The following C4orf51 variants were observed in gnomAD, a reference collection of about 807,000 sequenced individuals.
C4orf51 encodes chromosome 4 open reading frame 51.
C4orf51 carries 25 observed loss-of-function variants against 25.2 expected under a neutral mutation model. The observed-to-expected ratio is 0.99, with a 90% CI of 0.72 to 1.39. The LOEUF is 1.39. C4orf51 is among the 40% of genes most tolerant of loss of function. The pLI, the probability that C4orf51 is intolerant of heterozygous loss-of-function variation, is 0.00. For missense variants in C4orf51, 252 were observed against 239.6 expected, an observed-to-expected ratio of 1.05 and a Z score of -0.34; for synonymous variants, 100 against 84.5, an observed-to-expected ratio of 1.18 and a Z score of -1.01.
intron 1 of C4orf51, among the ~76,000 whole-genome samples, chr4:145,740,766 G>A (rs1315466783): frequency 6.6e-6 from 1 of 152,160 alleles, no homozygotes; most frequent in Non-Finnish European, 1.5e-5. Context: ...GGTCTGCAAG[G>A]CTTTGCCAGA....
downstream of C4orf51, chr4:145,774,367 T>A (rs113537744): frequency 2.1e-3 from 1,932 of 926,762 alleles, 27 homozygotes; most frequent in African/African-American, 0.028. Flanking sequence ...GTGGCTTTCA[T>A]GCCTTGGGAA....
chr4:145,763,930 G>C lies in C4orf51; in HGVS notation n.167-7058G>C, dbSNP rs1056751757. 6.6e-6 allele frequency among the ~76,000 whole-genome samples: 1 copy of C among 152,000 alleles called. No individual in the cohort carries two copies. Among genetic ancestry groups the C allele is most frequent in the Non-Finnish European group, 1.5e-5 (1 of 68,004 alleles). ...GTTGTTCCCTGACTCTTCTATGTGG[G>C]GGAGTTTTTGAGGAGGCAGGGGCCT... On this transcript the variant is annotated intron_variant and non_coding_transcript_variant, in intron 1 of 1. Transcript: ENST00000510096. The surrounding 1 kb of genome is among the most constrained non-coding windows in gnomAD (Gnocchi z 4.6).
chr4:145,739,039 T>TA (rs1732957051), intron 1 of C4orf51, among the ~76,000 whole-genome samples: 1 of 152,220 alleles, frequency 6.6e-6, no homozygotes, highest in African/African-American at 2.4e-5. Context: ...AGTTTCTTTT[T>TA]ACATAATGAA....
intron 2 of C4orf51, among the ~76,000 whole-genome samples, chr4:145,724,460 T>C (rs1050499636): frequency 6.6e-6 from 1 of 152,152 alleles, no homozygotes. Flanking sequence ...ATTTGCCACA[T>C]GCTAGTCCCC....
At chr4:145,719,756 T>G (rs1731625165) in intron 2 of C4orf51, among the ~76,000 whole-genome samples, 1 of 152,196 alleles carries the variant, frequency 6.6e-6, no homozygotes, top group African/African-American at 2.4e-5. Context: ...TATTCACTTC[T>G]TCTCCATCCC....
chr4:145,749,051 ATGTG>A (rs35776760), intron 1 of C4orf51, among the ~76,000 whole-genome samples: 4 of 142,156 alleles, frequency 2.8e-5, no homozygotes, highest in Non-Finnish European at 3.1e-5. Flanking sequence ...GGATGCTCCA[ATGTG>A]TGTGTGTGTG....
chr4:145,790,012 T>C, the C4orf51 span, among the ~76,000 whole-genome samples: 1 of 152,216 alleles, frequency 6.6e-6, no homozygotes, highest in African/African-American at 2.4e-5. Flanking sequence ...TATGTAAATT[T>C]TAATCATAAA....
chr4:145,690,952 A>AC (rs139703857), intron 1 of C4orf51, among the ~76,000 whole-genome samples: 2,472 of 152,046 alleles, frequency 0.016, 204 homozygotes, highest in Admixed American at 0.13. Flanking sequence ...CCCACCCCCC[A>AC]CAAAAAAAGA....
At chr4:145,786,228 A>C in the C4orf51 span, among the ~76,000 whole-genome samples, 1 of 152,164 alleles carries the variant, frequency 6.6e-6, no homozygotes, top group African/African-American at 2.4e-5. Context: ...TATTTGGTGT[A>C]TTGTTTGGCT....
chr4:145,753,457 T>G (rs1393671544), intron 1 of C4orf51, among the ~76,000 whole-genome samples: 1 of 152,160 alleles, frequency 6.6e-6, no homozygotes, highest in African/African-American at 2.4e-5. Flanking sequence ...CTTCCATTAA[T>G]AATACAACTG....
At chr4:145,743,354 A>G (rs1733199868) in intron 1 of C4orf51, among the ~76,000 whole-genome samples, 1 of 152,190 alleles carries the variant, frequency 6.6e-6, no homozygotes, top group African/African-American at 2.4e-5. Flanking sequence ...TTCTTGCTGC[A>G]TCATCCCATG....
the C4orf51 span, chr4:145,776,047 G>A: frequency 6.8e-7 from 1 of 1,479,734 alleles, no homozygotes; most frequent in Non-Finnish European, 9.3e-7. Flanking sequence ...AAGGTATCAA[G>A]GAAAGAATGG....
intron 1 of C4orf51, among the ~76,000 whole-genome samples, chr4:145,744,965 TCATTCTG>T (rs1481267334): frequency 6.6e-6 from 1 of 152,222 alleles, no homozygotes; most frequent in African/African-American, 2.4e-5. Context: ...AAGGAGGTAT[TCATTCTG>T]ATTAATAAGA....
At chr4:145,775,684 A>G (rs1736956444), downstream of C4orf51, 1 of 1,377,954 alleles carries the variant, frequency 7.3e-7, no homozygotes. Flanking sequence ...CCAGGCTATG[A>G]CTGAGAAAAG....
chr4:145,729,935 C>T lies in C4orf51; in HGVS notation c.471C>T (p.Tyr157=). Residue 157 remains tyrosine (Y), a synonymous_variant, in exon 5 of 6, where the codon TAC becomes TAT. Transcript: ENST00000438731. ...CAGCACAGGAGGCCCTGATAAACTA[C>T]AGTCGACGAGGGAAAGGTGTCCTAA... ...KKPAQEALIN[Y]SRRGKGVLKH... is the part of the protein sequence containing the mutation. The T allele has an allele frequency of 1.9e-6, 3 of 1,613,944 alleles. No individual in the cohort carries two copies. The highest frequency in any genetic ancestry group is 2.5e-6 in the Non-Finnish European group (3 of 1,179,846).
chr4:145,711,763 A>G (rs1320528412), intron 2 of C4orf51, among the ~76,000 whole-genome samples: 1 of 152,020 alleles, frequency 6.6e-6, no homozygotes, highest in Non-Finnish European at 1.5e-5. Flanking sequence ...ATTTTTTTTA[A>G]TAAATTTTAT....
intron 3 of C4orf51, among the ~76,000 whole-genome samples, chr4:145,728,114 TA>T (rs1485963745): frequency 6.7e-6 from 1 of 148,532 alleles, no homozygotes; most frequent in East Asian, 2.0e-4. Flanking sequence ...ATAACTACTG[TA>T]ACCAATGCTG....
chr4:145,680,458 C>T (rs1728761373), intron 1 of C4orf51, 22 bp downstream of exon 1: 3 of 1,554,624 alleles, frequency 1.9e-6, no homozygotes, highest in Non-Finnish European at 2.7e-6. Flanking sequence ...TTGTAATTTG[C>T]ACCTGGATAT....
chr4:145,695,730 T>C (rs958671532), intron 1 of C4orf51, among the ~76,000 whole-genome samples: 5 of 152,222 alleles, frequency 3.3e-5, no homozygotes, highest in African/African-American at 1.2e-4. Context: ...ATTGCAGCAT[T>C]ATTCACAATA....
Sources: gnomAD v4.1 joint callset for allele counts (sites outside exome capture counted in the v4.1 genomes callset) on GRCh38, gnomAD v4.1.1 for gene constraint, Gnocchi (gnomAD v3.1) non-coding constraint, MANE v1.5 for transcripts, NCBI Gene and HGNC (gene_info 2026-07-23, HGNC 2026-07-21) for gene names.